E2F2: variants seen among roughly 807,000 people sequenced by gnomAD.
E2F2 encodes transcription factor E2F2.
E2F2 carries 22 observed loss-of-function variants against 42.2 expected under a neutral mutation model. The ratio of observed to expected loss-of-function variants is 0.52; its 90% CI spans 0.37 to 0.74. E2F2 has a LOEUF of 0.74. E2F2 is among the 30% of genes least tolerant of loss of function. The probability of loss-of-function intolerance (pLI) is 0.00; values close to 1 mark genes in which losing one functional copy is unlikely to be tolerated. For missense variants in E2F2, 481 were observed against 557.8 expected (o/e 0.86, Z 1.39); for synonymous variants, 248 against 251.6 (o/e 0.99, Z 0.13).
Position 23,508,186 on chromosome 1 carries a change from G to A in E2F2, c.*1694C>T, listed in dbSNP as rs1314766258. On this transcript the variant is annotated 3_prime_UTR_variant, in exon 7 of 7. Transcript: ENST00000361729. ...GGCTAACTTGGGGGCCCAGGAATTT[G>A]AGCAAATGATGAGGCACAATTGTCC... 1 of 152,284 alleles carries A rather than the reference G, an allele frequency of 6.6e-6. No individual in the cohort carries two copies. 9.4% of individuals were successfully genotyped at this position (152,284 alleles called of 1,614,324 possible).
chr1:23,524,101 C>CAAAAAAA (rs1370410455), intron 2 of E2F2, among the ~76,000 whole-genome samples: 2 of 132,120 alleles, frequency 1.5e-5, no homozygotes, highest in African/African-American at 5.9e-5. Context: ...ACAACAACAA[C>CAAAAAAA]AACAAAAAAA....
At chr1:23,516,268 G>T in intron 6 of E2F2, 67 bp downstream of exon 6, 1 of 1,403,548 alleles carries the variant, frequency 7.1e-7, no homozygotes, top group South Asian at 1.7e-5. Flanking sequence ...AACAAACATT[G>T]ATATAGAAGA....
At chr1:23,523,317 C>T (rs538751678) in intron 2 of E2F2, among the ~76,000 whole-genome samples, 8 of 152,190 alleles carry the variant, frequency 5.3e-5, no homozygotes, top group Non-Finnish European at 8.8e-5. Flanking sequence ...CCACCACACC[C>T]GGCTAATTTT....
At chr1:23,506,052 C>T (rs958603882), downstream of E2F2, among the ~76,000 whole-genome samples, 6 of 152,168 alleles carry the variant, frequency 3.9e-5, no homozygotes, top group South Asian at 4.1e-4. Context: ...CCGCACCCAG[C>T]GTGAGGCATG....
chr1:23,515,374 C>T (rs1259515725), intron 6 of E2F2, among the ~76,000 whole-genome samples: 4 of 152,150 alleles, frequency 2.6e-5, no homozygotes, highest in Middle Eastern at 3.2e-3. Flanking sequence ...TTAACCATAC[C>T]GTCCACCTCC....
intron 1 of E2F2, among the ~76,000 whole-genome samples, chr1:23,528,555 G>A (rs1643286792): frequency 6.6e-6 from 1 of 152,228 alleles, no homozygotes. Context: ...CCAGGCAAGT[G>A]ACTTCCTTTC....
chr1:23,519,551 A>G (rs1276219485), intron 4 of E2F2, among the ~76,000 whole-genome samples: 2 of 152,266 alleles, frequency 1.3e-5, no homozygotes, highest in African/African-American at 4.8e-5. Context: ...GAGCCTTAGC[A>G]AAGTCCATGC....
Position 23,521,863 on chromosome 1 carries a change from C to T in E2F2, c.552G>A (p.Lys184=). 1 of 1,614,170 alleles carries T rather than the reference C, an allele frequency of 6.2e-7. No individual in the cohort carries two copies. Among genetic ancestry groups the T allele is most frequent in the Non-Finnish European group, 8.5e-7 (1 of 1,180,034 alleles). ...CCCACTGGATGTTGTTCTTGGCCTT[C>T]TTGCGGATGAGCTGGATGCCTTCCA... ...NVLEGIQLIR[K]KAKNNIQWVG... Residue 184 remains lysine (K), a synonymous_variant, in exon 3 of 7, where the codon AAG becomes AAA. Coordinates refer to ENST00000361729, the MANE Select transcript of E2F2 (RefSeq NM_004091.4).
At chr1:23,516,619 C>T in intron 5 of E2F2, 92 bp from the exon 6 acceptor site, 1 of 1,070,068 alleles carries the variant, frequency 9.3e-7, no homozygotes, top group Non-Finnish European at 1.3e-6. Flanking sequence ...TGCTGCCATC[C>T]ATGGGTGCAA....
chr1:23,510,701 A>AG (rs1386474630), intron 6 of E2F2, among the ~76,000 whole-genome samples: 2 of 152,234 alleles, frequency 1.3e-5, no homozygotes, highest in African/African-American at 4.8e-5. Flanking sequence ...TCACAAAAAA[A>AG]CAAATACTGT....
intron 1 of E2F2, 85 bp from the exon 2 acceptor site, chr1:23,524,573 GC>G (rs1286286960): frequency 1.4e-5 from 17 of 1,251,406 alleles, no homozygotes; most frequent in Non-Finnish European, 1.9e-5. Context: ...AAGCAATGAA[GC>G]CACTTAGCAG....
chr1:23,516,573 A>G lies in E2F2; in HGVS notation c.853-46T>C, dbSNP rs745939711. The G allele has an allele frequency of 3.1e-5, 47 of 1,503,630 alleles. No individual in the cohort carries two copies. In the South Asian group the frequency reaches 4.9e-4, roughly 16 times the overall value. The allele number at this position is 1,503,630 out of a possible 1,614,324, so 93.1% of individuals were successfully genotyped here. ...AGGTCATTGCTCTGGGCAGCTGGAC[A>G]CTTACACTTAGTGTGTATGGACAGA... On this transcript the variant is annotated intron_variant, in intron 5 of 6. Transcript: ENST00000361729.
At chr1:23,524,906 G>A (rs1643224803) in intron 1 of E2F2, among the ~76,000 whole-genome samples, 2 of 152,192 alleles carry the variant, frequency 1.3e-5, no homozygotes, top group African/African-American at 2.4e-5. Context: ...CCCTACAGAA[G>A]CAGCTGGCCC....
chr1:23,515,526 T>A (rs1643000949), intron 6 of E2F2, among the ~76,000 whole-genome samples: 1 of 152,044 alleles, frequency 6.6e-6, no homozygotes, highest in Non-Finnish European at 1.5e-5. Context: ...CTCTATGTCT[T>A]ATTTTTTTTT....
At position 23,509,857 on chromosome 1, in the gene E2F2, C is replaced by A. The variant is rs762535075; in HGVS notation, c.*23G>T. The A allele has an allele frequency of 2.6e-6, 4 of 1,521,348 alleles. No individual in the cohort carries two copies. The highest frequency in any genetic ancestry group is 2.7e-6 in the Non-Finnish European group (3 of 1,132,064). 94.2% of individuals were successfully genotyped at this position (1,521,348 alleles called of 1,614,324 possible). On this transcript the variant is annotated 3_prime_UTR_variant, in exon 7 of 7. Transcript: ENST00000361729. Reference sequence around the variant, plus strand: ...GTGAGGAGGTAGAGTCGGGGGCAGGCTGCTGGGGGCAGGCAGGGCCACTCA... The same window carrying A: ...GTGAGGAGGTAGAGTCGGGGGCAGGATGCTGGGGGCAGGCAGGGCCACTCA...
chr1:23,530,550 G>T lies in E2F2; in HGVS notation c.244C>A (p.Arg82=), dbSNP rs3218125. 4.2e-5 allele frequency: 68 copies of T among 1,610,314 alleles called. No individual in the cohort carries two copies. In the African/African-American group the frequency reaches 7.9e-4, roughly 19 times the overall value. Residue 82 remains arginine, a synonymous_variant, in exon 1 of 7, where the codon CGG becomes AGG. Transcript: ENST00000361729. The surrounding 1 kb of genome is among the most constrained non-coding windows in gnomAD (Gnocchi z 4.4). ...GGGGCCCCCAGCATTACCGGCAGCC[G>T]GCCTGCCGGCAGGCATCGCACAACT... ...GQVVRCLPAG[R]LPAKRKLDLE... is the part of the protein sequence containing the mutation.
chr1:23,527,522 G>C (rs1479031796), intron 1 of E2F2, among the ~76,000 whole-genome samples: 1 of 152,236 alleles, frequency 6.6e-6, no homozygotes, highest in Non-Finnish European at 1.5e-5. Context: ...GAGGGTCAGA[G>C]ATCACCAGGC....
Position 23,530,780 on chromosome 1 carries a change from G to A in E2F2, c.14C>T (p.Pro5Leu). MLQG[P>L]RALASAAGQT... ...CCCAGCGGCCGAAGCCAAGGCCCGG[G>A]GCCCTTGCAGCATAGCGAGTAAGGC... Residue 5 changes from proline to leucine, a missense_variant, in exon 1 of 7, where the codon CCC (proline) becomes CTC (leucine). Physicochemically the swap from Pro to Leu is moderately conservative, Grantham distance 98. Coordinates refer to ENST00000361729, the MANE Select transcript of E2F2 (RefSeq NM_004091.4). This position sits in a 1 kb window ranked among gnomAD's most constrained non-coding sequence, Gnocchi z 4.4. The A allele has an allele frequency of 6.5e-7, 1 of 1,545,592 alleles. No individual in the cohort carries two copies. Among genetic ancestry groups the A allele is most frequent in the Non-Finnish European group, 8.8e-7 (1 of 1,142,816 alleles).
intron 6 of E2F2, among the ~76,000 whole-genome samples, chr1:23,514,657 G>C (rs1225898255): frequency 7.5e-6 from 1 of 134,110 alleles, no homozygotes; most frequent in Non-Finnish European, 1.6e-5. Context: ...GGGAAACCCT[G>C]TCTCTACTAA....
Sources: allele counts gnomAD v4.1 joint callset (sites outside exome capture counted in the v4.1 genomes callset), GRCh38; gene constraint gnomAD v4.1.1; non-coding constraint Gnocchi (gnomAD v3.1); transcripts MANE v1.5; gene names NCBI Gene and HGNC (gene_info 2026-07-23, HGNC 2026-07-21).